The following PLCG2 variants were observed in gnomAD, a reference collection of about 807,000 sequenced individuals.
PLCG2 encodes 1-phosphatidylinositol 4,5-bisphosphate phosphodiesterase gamma-2.
Under a neutral mutation model 175.6 loss-of-function variants are expected in PLCG2, and 69 were observed. The ratio of observed to expected loss-of-function variants is 0.39; its 90% CI spans 0.32 to 0.48. The LOEUF (loss-of-function observed/expected upper bound fraction) is 0.48, where lower values mean the gene tolerates loss of function less well. Among genes scored for constraint, PLCG2 ranks in the 20% least tolerant of loss-of-function variants. PLCG2 has a pLI of 0.91. For missense variants in PLCG2, 1,798 were observed against 1,650.9 expected (o/e 1.09, Z -1.54); for synonymous variants, 827 against 624.0 (o/e 1.33, Z -4.85).
At chr16:81,772,583 G>T (rs1345338606) in intron 2 of PLCG2, among the ~76,000 whole-genome samples, 2 of 151,770 alleles carry the variant, frequency 1.3e-5, no homozygotes, top group African/African-American at 4.8e-5. Context: ...GCCGAGGTGG[G>T]TGGATCACCT....
chr16:81,932,216 TAGG>T (rs1195077212), intron 25 of PLCG2, among the ~76,000 whole-genome samples: 2 of 151,542 alleles, frequency 1.3e-5, no homozygotes, highest in African/African-American at 4.8e-5. Flanking sequence ...TGGATAAGAA[TAGG>T]AGGTCTGGAA....
rs895150036 is a variant in PLCG2, at chr16:81,960,157, C to T, written c.*2159C>T. 5 of 220,044 alleles carry T rather than the reference C, an allele frequency of 2.3e-5. No individual in the cohort carries two copies. The highest frequency in any genetic ancestry group is 1.8e-4 in the South Asian group (1 of 5,410). The allele number at this position is 220,044 out of a possible 1,614,324, so 13.6% of individuals were successfully genotyped here. On this transcript the variant is annotated 3_prime_UTR_variant, in exon 33 of 33. Transcript: ENST00000564138. ...ATCCACCATGAGAGAGTACTTTCTT[C>T]GGTTCTTTCCTCCTGTCCTTGACAG...
chr16:81,931,389 T>C (rs1597140242), intron 24 of PLCG2, 108 bp from the exon 25 acceptor site: 14 of 1,036,482 alleles, frequency 1.4e-5, no homozygotes, highest in Non-Finnish European at 1.9e-5. Flanking sequence ...ACCGTGGTCA[T>C]AGCAGTGGTG....
intron 2 of PLCG2, among the ~76,000 whole-genome samples, chr16:81,834,296 C>G (rs1202087972): frequency 1.3e-5 from 2 of 152,238 alleles, no homozygotes; most frequent in South Asian, 4.1e-4. Flanking sequence ...GGTGTTTCTG[C>G]CCTGAACTTG....
At position 81,960,742 on chromosome 16, in the gene PLCG2, G is replaced by A. The variant is rs1281278328; in HGVS notation, c.*2744G>A. On this transcript the variant is annotated 3_prime_UTR_variant, in exon 33 of 33. Coordinates refer to ENST00000564138, the MANE Select transcript of PLCG2 (RefSeq NM_002661.5). ...TGTTCTAATACTTCGTATGCTTTGT[G>A]ACCTAGTTAAAATCTAAACTTAAGT... is the stretch of plus-strand genomic sequence containing the variant. 2.2e-5 allele frequency: 5 copies of A among 229,086 alleles called. No individual in the cohort carries two copies. Among genetic ancestry groups the A allele is most frequent in the Non-Finnish European group, 8.7e-6 (1 of 115,526 alleles). 14.2% of individuals were successfully genotyped at this position (229,086 alleles called of 1,614,324 possible). A position where few individuals can be genotyped will look rare whatever the true frequency, so the allele number is the denominator to read the frequency against.
rs561454193 is a variant in PLCG2, at chr16:81,936,528, T to C, written c.3052+150T>C. On this transcript the variant is annotated intron_variant, in intron 27 of 32. Coordinates refer to ENST00000564138, the MANE Select transcript of PLCG2 (RefSeq NM_002661.5). ...CACGGTTCAGCAGAGTAATGGTTAG[T>C]ATGAGGTCCAGCAGCTGAATGGAGG... The C allele has an allele frequency of 3.6e-5, 24 of 662,030 alleles. No individual in the cohort carries two copies. In the East Asian group the frequency reaches 5.5e-4, roughly 15 times the overall value. 41.0% of individuals were successfully genotyped at this position (662,030 alleles called of 1,614,324 possible).
At chr16:81,917,973 T>C (rs1350606322) in intron 19 of PLCG2, among the ~76,000 whole-genome samples, 4 of 152,220 alleles carry the variant, frequency 2.6e-5, no homozygotes, top group African/African-American at 9.6e-5. Flanking sequence ...TCTGCCTGCC[T>C]TGGCCTCCCA....
intron 2 of PLCG2, among the ~76,000 whole-genome samples, chr16:81,762,757 C>A (rs1597306079): frequency 1.3e-5 from 2 of 152,296 alleles, no homozygotes; most frequent in East Asian, 1.9e-4. Context: ...CCAAGGCTGG[C>A]TGATCAGGCA....
chr16:81,892,739 GATT>G (rs375572020), intron 11 of PLCG2, among the ~76,000 whole-genome samples: 267 of 152,214 alleles, frequency 1.8e-3, no homozygotes, highest in African/African-American at 6.0e-3. Context: ...TTGCTGTGCA[GATT>G]ATTTTGTCAC....
At chr16:81,781,682 G>A (rs768669996) in intron 1 of PLCG2, among the ~76,000 whole-genome samples, 3 of 152,120 alleles carry the variant, frequency 2.0e-5, no homozygotes, top group Admixed American at 6.5e-5. Context: ...CAGCAGTAAT[G>A]TCCCTTGAAC....
chr16:81,818,757 G>C (rs12923776), intron 2 of PLCG2, among the ~76,000 whole-genome samples: 6,809 of 152,052 alleles, frequency 0.045, 210 homozygotes, highest in Middle Eastern at 0.068. Context: ...GAAACTGAGG[G>C]CTGCTGAGCC....
rs1364308657 is a variant in PLCG2, at chr16:81,895,821, G to A, written c.1087G>A (p.Gly363Arg). Residue 363 changes from glycine to arginine, a missense_variant, in exon 13 of 33, where the codon GGG becomes AGG. Transcript: ENST00000564138. ...TCTCCCTGTAGTGGACTGCTGGGACGGGCCCGATGGGAAGCCGGTCATCTA... is the reference window on the plus strand; with the variant it reads ...TCTCCCTGTAGTGGACTGCTGGGACAGGCCCGATGGGAAGCCGGTCATCTA... ...CRCIELDCWDGPDGKPVIYHG... is the reference protein window; with the variant it reads ...CRCIELDCWDRPDGKPVIYHG... 1.2e-6 allele frequency: 2 copies of A among 1,613,958 alleles called. No homozygotes were observed. Among genetic ancestry groups the A allele is most frequent in the Non-Finnish European group, 1.7e-6 (2 of 1,180,014 alleles).
intron 1 of PLCG2, among the ~76,000 whole-genome samples, chr16:81,742,332 G>C (rs1350097364): frequency 6.6e-6 from 1 of 152,118 alleles, no homozygotes; most frequent in Non-Finnish European, 1.5e-5. Context: ...GGCCTGACTG[G>C]GATGAGACCA....
At chr16:81,859,278 C>T in intron 5 of PLCG2, 115 bp downstream of exon 5, 1 of 698,242 alleles carries the variant, frequency 1.4e-6, no homozygotes, top group Non-Finnish European at 2.6e-6. Flanking sequence ...TCACTGCGTC[C>T]ATTGTGATCT....
rs758623675 is a variant in PLCG2, at chr16:81,921,225, G to A, written c.2263G>A (p.Val755Ile). The A allele has an allele frequency of 1.4e-5, 22 of 1,604,896 alleles. No homozygotes were observed. Among genetic ancestry groups the A allele is most frequent in the East Asian group, 6.7e-5 (3 of 44,808 alleles). The change falls in exon 21 of 33, where the codon GTC (valine) becomes ATC (isoleucine). Residue 755 changes from valine to isoleucine, a missense_variant. Transcript: ENST00000564138. ...AAGAGATATAAACTCCCTCTACGACGTCAGCAGAATGTATGTGGATCCCAG... is the reference window on the plus strand; with the variant it reads ...AAGAGATATAAACTCCCTCTACGACATCAGCAGAATGTATGTGGATCCCAG... ...MERDINSLYD[V>I]SRMYVDPSEI...
In PLCG2 at chr16:81,802,208, G is replaced by T. The variant is rs548923143; in HGVS notation, c.193+16026G>T. On this transcript the variant is annotated intron_variant, in intron 2 of 32. Coordinates refer to ENST00000564138, the MANE Select transcript of PLCG2 (RefSeq NM_002661.5). ...GCTCACTGCAAGCTCCGCCTCCCGGGTTCACACCATTCTCTTGCCTCAGCC... is the reference window on the plus strand; with the variant it reads ...GCTCACTGCAAGCTCCGCCTCCCGGTTTCACACCATTCTCTTGCCTCAGCC... 1.4e-4 allele frequency among the ~76,000 whole-genome samples: 19 copies of T among 139,494 alleles called. No homozygotes were observed. The East Asian group carries it at 4.4e-3, about 33-fold the overall frequency. The allele number at this position is 139,494 out of a possible 152,430, so 91.5% of individuals were successfully genotyped here. A position where few individuals can be genotyped will look rare whatever the true frequency, so the allele number is the denominator to read the frequency against.
At chr16:81,774,486 T>C (rs1910354366), upstream of PLCG2, among the ~76,000 whole-genome samples, 1 of 152,148 alleles carries the variant, frequency 6.6e-6, no homozygotes, top group African/African-American at 2.4e-5. Context: ...TGGTACTTCC[T>C]CTCACAGAGG....
At chr16:81,889,785 G>C (rs1421450971) in intron 10 of PLCG2, among the ~76,000 whole-genome samples, 1 of 152,040 alleles carries the variant, frequency 6.6e-6, no homozygotes, top group Non-Finnish European at 1.5e-5. Context: ...CTCCCGAGTA[G>C]CTGGGATTAT....
chr16:81,934,850 C>T (rs953368064), intron 26 of PLCG2, among the ~76,000 whole-genome samples: 1 of 152,074 alleles, frequency 6.6e-6, no homozygotes, highest in African/African-American at 2.4e-5. Context: ...GAATGAGAAG[C>T]AAGTGAAAGG....
Sources: allele counts gnomAD v4.1 joint callset (sites outside exome capture counted in the v4.1 genomes callset), GRCh38; gene constraint gnomAD v4.1.1; transcripts MANE v1.5; gene names NCBI Gene and HGNC (gene_info 2026-07-23, HGNC 2026-07-21).